The following FN1 variants were observed in gnomAD, a reference collection of about 807,000 sequenced individuals.
FN1 encodes fibronectin 1.
In FN1, 106 loss-of-function variants were observed where a neutral mutation model predicts 297.3. The observed-to-expected ratio is 0.36, with a 90% CI of 0.30 to 0.42. The LOEUF (loss-of-function observed/expected upper bound fraction) is 0.42, where lower values mean the gene tolerates loss of function less well. Among genes scored for constraint, FN1 ranks in the 10% least tolerant of loss-of-function variants. The pLI is 1.00. For missense variants in FN1, 2,690 were observed against 3,124.9 expected (o/e 0.86, Z 3.32); for synonymous variants, 1,149 against 1,152.6 (o/e 1.00, Z 0.06).
intron 13 of FN1, among the ~76,000 whole-genome samples, chr2:215,414,330 A>G (rs773850790): frequency 2.4e-4 from 36 of 152,202 alleles, no homozygotes; most frequent in Admixed American, 1.1e-3. Context: ...CTTCCCTCCC[A>G]TCATCTCTTT....
chr2:215,385,590 T>C (rs1335636335), intron 28 of FN1, among the ~76,000 whole-genome samples: 2 of 146,420 alleles, frequency 1.4e-5, no homozygotes, highest in Admixed American at 6.8e-5. Context: ...AAAAAAGTAA[T>C]ACAATGAACA....
At chr2:215,424,079 G>C in intron 8 of FN1, 67 bp downstream of exon 8, 1 of 1,501,056 alleles carries the variant, frequency 6.7e-7, no homozygotes, top group Non-Finnish European at 9.3e-7. Flanking sequence ...CTAGAATGCT[G>C]GCAAATAAAA....
At position 215,408,143 on chromosome 2, in the gene FN1, A is replaced by T. The variant is rs768936768; in HGVS notation, c.2483T>A (p.Val828Asp). 3.7e-6 allele frequency: 6 copies of T among 1,614,142 alleles called. No homozygotes were observed. The change falls in exon 17 of 46, where the codon GTT becomes GAT. Residue 828 changes from valine (V) to aspartate (D), a missense_variant. Physicochemically the swap from Val to Asp is radical, Grantham distance 152 (BLOSUM62 -3). Around this residue, in one of 3 missense-constraint regions of FN1, gnomAD observed 876 missense variants for 1,058.1 expected, o/e 0.83. Coordinates refer to ENST00000354785, the MANE Select transcript of FN1 (RefSeq NM_212482.4). ...TVDQVDDTSI[V>D]VRWSRPQAPI... ...AGCCTGGGGTCTGCTCCAGCGAACAACAATTGAGGTGTCATCAACTTGGTC... is the reference window on the plus strand; with the variant it reads ...AGCCTGGGGTCTGCTCCAGCGAACATCAATTGAGGTGTCATCAACTTGGTC...
In FN1 at chr2:215,410,016, C is replaced by T. The variant is rs2106302806; in HGVS notation, c.2040G>A (p.Gln680=). The T allele has an allele frequency of 6.2e-7, 1 of 1,614,056 alleles. No individual in the cohort carries two copies. Among genetic ancestry groups the T allele is most frequent in the Non-Finnish European group, 8.5e-7 (1 of 1,180,028 alleles). The part of the protein sequence containing the change: ...GLKPGVVYEG[Q]LISIQQYGHQ... ...GGCCGTACTGCTGGATGCTGATGAGCTGGCCCTCGTATACCACACCAGGCT... is the reference window on the plus strand; with the variant it reads ...GGCCGTACTGCTGGATGCTGATGAGTTGGCCCTCGTATACCACACCAGGCT... The change falls in exon 14 of 46, where the codon CAG becomes CAA. Residue 680 remains glutamine (Q), a synonymous_variant. Coordinates refer to ENST00000354785, the MANE Select transcript of FN1 (RefSeq NM_212482.4).
rs371300900 is a variant in FN1 at position 215,404,444 on chromosome 2, G to A, written c.3198C>T (p.Leu1066=). ...TCTCTTGGTTGCCCTTTATGGCCAC[G>A]AGGGATACGGTGTACTCAGATGCAG... ...LQPASEYTVS[L]VAIKGNQESP... is the part of the protein sequence containing the mutation. Residue 1066 remains leucine, a synonymous_variant, in exon 20 of 46, where the codon CTC becomes CTT. Coordinates refer to ENST00000354785, the MANE Select transcript of FN1 (RefSeq NM_212482.4). 1.9e-5 allele frequency: 30 copies of A among 1,613,976 alleles called. No individual in the cohort carries two copies. The African/African-American group carries it at 2.5e-4, about 14-fold the overall frequency.
chr2:215,365,034 G>A (rs1173128376), intron 43 of FN1, 49 bp from the exon 44 acceptor site: 2 of 1,213,968 alleles, frequency 1.6e-6, no homozygotes, highest in Non-Finnish European at 1.2e-6. Flanking sequence ...GAACAATACT[G>A]CAGACTTGAT....
chr2:215,377,036 A>G (rs1044746845), intron 35 of FN1, among the ~76,000 whole-genome samples: 6 of 103,534 alleles, frequency 5.8e-5, no homozygotes, highest in African/African-American at 2.0e-4. Context: ...GCCAGCTAAC[A>G]ATTTTGTGTG....
In FN1 at chr2:215,379,228, C is replaced by T. The variant is rs761673575; in HGVS notation, c.5524G>A (p.Gly1842Arg). Residue 1842 changes from glycine (G) to arginine (R), a missense_variant, in exon 34 of 46, where the codon GGA becomes AGA. Gly to Arg is a moderately radical substitution (Grantham distance 125). Transcript: ENST00000354785. ...TTGGGGGTCACCCGCACTCGATATCCAGTGAGCTGAACATTGGGTGGTGTC... is the reference window on the plus strand; with the variant it reads ...TTGGGGGTCACCCGCACTCGATATCTAGTGAGCTGAACATTGGGTGGTGTC... ...QWTPPNVQLT[G>R]YRVRVTPKEK... 1.9e-6 allele frequency: 3 copies of T among 1,614,086 alleles called. No individual in the cohort carries two copies. Among genetic ancestry groups the T allele is most frequent in the Admixed American group, 3.3e-5 (2 of 59,996 alleles).
intron 5 of FN1, among the ~76,000 whole-genome samples, chr2:215,428,882 G>T (rs548221429): frequency 6.6e-6 from 1 of 152,258 alleles, no homozygotes; most frequent in East Asian, 1.9e-4. Flanking sequence ...GGCTGTGGTG[G>T]CGGGCGCCTG....
intron 13 of FN1, among the ~76,000 whole-genome samples, chr2:215,414,505 T>C (rs897418662): frequency 6.6e-6 from 1 of 152,186 alleles, no homozygotes; most frequent in Non-Finnish European, 1.5e-5. Flanking sequence ...ATAAAAACCT[T>C]AGATTCTCTT....
In FN1 at chr2:215,422,386, T is replaced by C; in HGVS notation, c.1394-143A>G. The C allele has an allele frequency of 1.3e-5, 11 of 836,300 alleles. 1 individual carries two copies. Among genetic ancestry groups the C allele is most frequent in the Admixed American group, 3.7e-5 (2 of 53,726 alleles). The allele number at this position is 836,300 out of a possible 1,614,324, so 51.8% of individuals were successfully genotyped here. ...TTTGTGTGCATCAAAGACATCTAAG[T>C]GCTGTCAGGTGAAGGGGTAGAATTT... is the stretch of plus-strand genomic sequence containing the variant. On this transcript the variant is annotated intron_variant, in intron 9 of 45. Coordinates refer to ENST00000354785, the MANE Select transcript of FN1 (RefSeq NM_212482.4).
chr2:215,396,373 T>C (rs1195206515), intron 23 of FN1, among the ~76,000 whole-genome samples: 2 of 152,212 alleles, frequency 1.3e-5, no homozygotes, highest in East Asian at 3.8e-4. Flanking sequence ...CGTCATGCTG[T>C]TTGAATATTG....
intron 36 of FN1, 67 bp downstream of exon 36, chr2:215,376,431 G>T: frequency 7.0e-7 from 1 of 1,421,136 alleles, no homozygotes; most frequent in South Asian, 1.1e-5. Context: ...TCGTAGAACA[G>T]TTAATAAGCC....
chr2:215,393,488 T>G (rs1027348417), intron 24 of FN1: 5 of 158,252 alleles, frequency 3.2e-5, no homozygotes, highest in Non-Finnish European at 6.9e-5. Context: ...CAATTTGAAC[T>G]GTTCAGATTC....
intron 38 of FN1, 45 bp downstream of exon 38, chr2:215,375,169 T>A: frequency 6.3e-7 from 1 of 1,580,382 alleles, no homozygotes; most frequent in Non-Finnish European, 8.7e-7. Context: ...ACTTCATGTG[T>A]CCTAGGTAGT....
At chr2:215,420,830 A>C (rs2064201724) in intron 10 of FN1, 29 bp from the exon 11 acceptor site, 2 of 1,611,994 alleles carry the variant, frequency 1.2e-6, no homozygotes, top group Non-Finnish European at 1.7e-6. Flanking sequence ...GGTGAGTGAG[A>C]AACTTTTTAA....
rs754499962 is a variant in FN1 at position 215,399,317 on chromosome 2, G to A, written c.3288C>T (p.Thr1096=). ...QPGSSIPPYN[T]EVTETTIVIT... ...TCACAATGGTGGTCTCAGTCACCTCGGTGTTGTAAGGTGGAATAGAGCTCC... is the reference window on the plus strand; with the variant it reads ...TCACAATGGTGGTCTCAGTCACCTCAGTGTTGTAAGGTGGAATAGAGCTCC... Residue 1096 remains threonine (T), a synonymous_variant, in exon 21 of 46, where the codon ACC becomes ACT. Transcript: ENST00000354785. 15 of 1,613,784 alleles carry A rather than the reference G, an allele frequency of 9.3e-6. No homozygotes were observed. Among genetic ancestry groups the A allele is most frequent in the African/African-American group, 6.7e-5 (5 of 74,896 alleles).
chr2:215,397,919 T>C, intron 21 of FN1, 71 bp from the exon 22 acceptor site: 13 of 1,329,610 alleles, frequency 9.8e-6, no homozygotes, highest in Non-Finnish European at 1.3e-5. Flanking sequence ...TGTGAGGCTA[T>C]GATTATGCTT....
Position 215,425,195 on chromosome 2 carries a change from C to T in FN1, c.935G>A (p.Ser312Asn). 1 of 1,614,188 alleles carries T rather than the reference C, an allele frequency of 6.2e-7. No homozygotes were observed. The highest frequency in any genetic ancestry group is 8.5e-7 in the Non-Finnish European group (1 of 1,180,018). Residue 312 changes from serine to asparagine, a missense_variant, in exon 7 of 46, where the codon AGT becomes AAT. Physicochemically the swap from Ser to Asn is conservative, Grantham distance 46. Transcript: ENST00000354785. ...CATCCCCACAGAGTAGACCACACCA[C>T]TGTCTGTGACACAGTGGCCATAGGG... ...PPPYGHCVTD[S>N]GVVYSVGMQW...
Sources: gnomAD v4.1 joint callset for allele counts (sites outside exome capture counted in the v4.1 genomes callset) on GRCh38, gnomAD v4.1.1 for gene constraint, gnomAD v4.1.1 regional missense constraint, MANE v1.5 for transcripts, NCBI Gene and HGNC (gene_info 2026-07-23, HGNC 2026-07-21) for gene names.